SNX29: variants seen among roughly 807,000 people sequenced by gnomAD.
SNX29 encodes sorting nexin 29, also known as sorting nexin-29.
In SNX29, 78 loss-of-function variants were observed where a neutral mutation model predicts 102.1. The ratio of observed to expected loss-of-function variants is 0.76; its 90% CI spans 0.64 to 0.92. The LOEUF (loss-of-function observed/expected upper bound fraction) is 0.92, where lower values mean the gene tolerates loss of function less well. Ranked by LOEUF, SNX29 falls within the 40% of genes least tolerant of loss-of-function variation. The pLI is 0.00. For missense variants in SNX29, 1,280 were observed against 1,061.7 expected (o/e 1.21, Z -2.86); for synonymous variants, 580 against 414.5 (o/e 1.40, Z -4.85).
chr16:12,337,331 C>T (rs938653399), intron 15 of SNX29, among the ~76,000 whole-genome samples: 7 of 151,748 alleles, frequency 4.6e-5, no homozygotes, highest in East Asian at 3.9e-4. Flanking sequence ...GTATGCAATG[C>T]GATGGGTGTT....
chr16:12,402,587 A>T (rs1052478127), intron 17 of SNX29, among the ~76,000 whole-genome samples: 1 of 152,246 alleles, frequency 6.6e-6, no homozygotes, highest in Non-Finnish European at 1.5e-5. Context: ...AGCCGGGTAC[A>T]AATGTGACAG....
At chr16:12,253,421 C>T (rs753242853) in intron 14 of SNX29, among the ~76,000 whole-genome samples, 3 of 152,138 alleles carry the variant, frequency 2.0e-5, no homozygotes, top group African/African-American at 4.8e-5. Flanking sequence ...GGATGTATAG[C>T]GTGTCAGAAG....
chr16:12,524,707 C>G lies in SNX29; in HGVS notation c.2184C>G (p.Ala728=), dbSNP rs2090231653. ...GATGTTTTGTGTTTCCTCAGGATGC[C>G]AAGTTTGTGGAGGAACGGAGAAAGC... The part of the protein sequence containing the change: ...PPKKAIGNKD[A]KFVEERRKQL... Residue 728 remains alanine, a synonymous_variant, in exon 20 of 21, where the codon GCC becomes GCG. Coordinates refer to ENST00000566228, the MANE Select transcript of SNX29 (RefSeq NM_032167.5). 1 of 1,612,886 alleles carries G rather than the reference C, an allele frequency of 6.2e-7. No individual in the cohort carries two copies. The highest frequency in any genetic ancestry group is 8.5e-7 in the Non-Finnish European group (1 of 1,179,440).
intron 18 of SNX29, among the ~76,000 whole-genome samples, chr16:12,412,102 G>A (rs192292923): frequency 4.0e-4 from 61 of 152,292 alleles, no homozygotes; most frequent in African/African-American, 1.4e-3. Context: ...GTTCAAGGGC[G>A]GTTACATGAG....
At chr16:12,503,554 TAG>T (rs2089226796) in intron 19 of SNX29, among the ~76,000 whole-genome samples, 1 of 152,192 alleles carries the variant, frequency 6.6e-6, no homozygotes, top group Non-Finnish European at 1.5e-5. Context: ...GGAAAACTCC[TAG>T]ACTAGCAAAG....
chr16:12,168,972 G>C (rs1319993367), intron 13 of SNX29, among the ~76,000 whole-genome samples: 1 of 152,170 alleles, frequency 6.6e-6, no homozygotes, highest in Non-Finnish European at 1.5e-5. Context: ...CACGTGCTGG[G>C]GAGAGCTTTT....
intron 15 of SNX29, among the ~76,000 whole-genome samples, chr16:12,309,403 T>C (rs2080456901): frequency 6.6e-6 from 1 of 152,204 alleles, no homozygotes; most frequent in Non-Finnish European, 1.5e-5. Flanking sequence ...TTTATCCCTC[T>C]GGAAGCCCTT....
intron 4 of SNX29, among the ~76,000 whole-genome samples, chr16:12,039,113 C>A (rs567904147): frequency 6.6e-6 from 1 of 152,196 alleles, no homozygotes; most frequent in Admixed American, 6.5e-5. Context: ...TCCACAAATA[C>A]TTATGCACAC....
chr16:12,477,394 C>CT (rs1426285585), intron 18 of SNX29, among the ~76,000 whole-genome samples: 3 of 152,228 alleles, frequency 2.0e-5, no homozygotes, highest in African/African-American at 7.2e-5. Context: ...CACCAGCACG[C>CT]TGTTAGTGCT....
chr16:12,008,326 A>G (rs936330135), intron 3 of SNX29, among the ~76,000 whole-genome samples: 1 of 151,776 alleles, frequency 6.6e-6, no homozygotes, highest in Non-Finnish European at 1.5e-5. Flanking sequence ...CTGGACTGCA[A>G]TGGCGCGATC....
At chr16:12,543,334 G>A (rs1225808902) in intron 20 of SNX29, among the ~76,000 whole-genome samples, 3 of 152,184 alleles carry the variant, frequency 2.0e-5, no homozygotes, top group Non-Finnish European at 4.4e-5. Flanking sequence ...CAAATCTGGG[G>A]CAGAGGAGCA....
At chr16:12,047,065 T>C (rs2050118470) in intron 6 of SNX29, among the ~76,000 whole-genome samples, 1 of 152,242 alleles carries the variant, frequency 6.6e-6, no homozygotes, top group Non-Finnish European at 1.5e-5. Flanking sequence ...CTTTACCCCT[T>C]GCTACCTGGT....
chr16:12,140,286 C>T (rs1369923514), intron 13 of SNX29, among the ~76,000 whole-genome samples: 1 of 152,210 alleles, frequency 6.6e-6, no homozygotes, highest in Non-Finnish European at 1.5e-5. Flanking sequence ...AGCCTAAATC[C>T]CATCAGTTTA....
intron 16 of SNX29, among the ~76,000 whole-genome samples, chr16:12,362,982 A>T (rs1464219072): frequency 6.6e-6 from 1 of 152,114 alleles, no homozygotes; most frequent in East Asian, 1.9e-4. Context: ...ATGCCAGCCC[A>T]TCTCTCCTCT....
chr16:12,334,203 A>G (rs1033726245), intron 15 of SNX29, among the ~76,000 whole-genome samples: 4 of 152,192 alleles, frequency 2.6e-5, no homozygotes, highest in Admixed American at 6.5e-5. Context: ...AAACCTAAGC[A>G]GTCTGGAGAT....
intron 14 of SNX29, among the ~76,000 whole-genome samples, chr16:12,254,659 G>A (rs1596645295): frequency 6.6e-6 from 1 of 151,874 alleles, no homozygotes; most frequent in East Asian, 1.9e-4. Context: ...AAAAAAAAAG[G>A]TGAAGGACTG....
rs1555520306 is a variant in SNX29, at chr16:12,019,587, T to TAG, written c.123-7732_123-7731insGA. Reference sequence around the variant, plus strand: ...TGGAATTGTTATATATGTAAATATATATATATAGATAGATAGATAGATAGA... The same window carrying TAG: ...TGGAATTGTTATATATGTAAATATATAGATATATAGATAGATAGATAGATAGA... On this transcript the variant is annotated intron_variant, in intron 3 of 20. Coordinates refer to ENST00000566228, the MANE Select transcript of SNX29 (RefSeq NM_032167.5). Among the ~76,000 whole-genome samples the TAG allele has an allele frequency of 9.2e-3, 729 of 79,308 alleles. 3 individuals carry two copies. The highest frequency in any genetic ancestry group is 0.019 in the African/African-American group (423 of 22,404). 52.0% of individuals were successfully genotyped at this position (79,308 alleles called of 152,430 possible).
At chr16:12,539,363 C>A (rs543986993) in intron 20 of SNX29, among the ~76,000 whole-genome samples, 44 of 152,116 alleles carry the variant, frequency 2.9e-4, no homozygotes, top group Non-Finnish European at 3.4e-4. Context: ...ATACTGTAAG[C>A]AACCTCTTGA....
Position 12,027,308 on chromosome 16 carries a change from G to C in SNX29, c.123-12G>C, listed in dbSNP as rs1484100284. ...TTCTGGGGGGACTGATGAGTCATTG[G>C]TTTTCTCACAGGGTCACCTGTCTGT... On this transcript the variant is annotated splice_polypyrimidine_tract_variant and intron_variant, in intron 3 of 20. Coordinates refer to ENST00000566228, the MANE Select transcript of SNX29 (RefSeq NM_032167.5). 6.2e-7 allele frequency: 1 copy of C among 1,613,424 alleles called. No individual in the cohort carries two copies. The highest frequency in any genetic ancestry group is 1.3e-5 in the African/African-American group (1 of 75,026).
Sources: gnomAD v4.1 joint callset for allele counts (sites outside exome capture counted in the v4.1 genomes callset) on GRCh38, gnomAD v4.1.1 for gene constraint, MANE v1.5 for transcripts, NCBI Gene and HGNC (gene_info 2026-07-23, HGNC 2026-07-21) for gene names.